Variants in HELZ observed in about 807,000 individuals in gnomAD.
HELZ encodes helicase with zinc finger, also known as ATP-dependent RNA helicase with zinc finger domain.
HELZ carries 23 observed loss-of-function variants against 218.2 expected under a neutral mutation model. The ratio of observed to expected loss-of-function variants is 0.11; its 90% CI spans 0.08 to 0.15. The LOEUF (loss-of-function observed/expected upper bound fraction) is 0.15. Among genes scored for constraint, HELZ ranks in the 10% least tolerant of loss-of-function variants. HELZ has a pLI of 1.00. For missense variants in HELZ, 1,813 were observed against 2,353.7 expected, an observed-to-expected ratio of 0.77 and a Z score of 4.75; for synonymous variants, 814 against 829.4, an observed-to-expected ratio of 0.98 and a Z score of 0.32.
intron 15 of HELZ, among the ~76,000 whole-genome samples, chr17:67,163,321 TATC>T (rs2039042756): frequency 6.6e-6 from 1 of 152,240 alleles, no homozygotes; most frequent in Non-Finnish European, 1.5e-5. Flanking sequence ...ATGAGACAGA[TATC>T]ATGATAAACA....
At chr17:67,205,399 A>G (rs1339849660) in intron 5 of HELZ, among the ~76,000 whole-genome samples, 4 of 152,130 alleles carry the variant, frequency 2.6e-5, no homozygotes, top group South Asian at 4.1e-4. Context: ...CGCTAAGCCT[A>G]TTTCCTCCCC....
intron 13 of HELZ, among the ~76,000 whole-genome samples, chr17:67,174,390 G>A (rs1225047374): frequency 1.3e-5 from 2 of 152,128 alleles, no homozygotes; most frequent in Non-Finnish European, 2.9e-5. Context: ...ACAGCTCACT[G>A]CAGCCTCAAA....
chr17:67,234,194 G>T (rs1416628973), intron 3 of HELZ, among the ~76,000 whole-genome samples: 1 of 150,186 alleles, frequency 6.7e-6, no homozygotes, highest in South Asian at 2.1e-4. Flanking sequence ...GTGGTAGCTT[G>T]TGCCTCTAAT....
chr17:67,103,990 G>C (rs925630788), intron 31 of HELZ, among the ~76,000 whole-genome samples: 1 of 152,140 alleles, frequency 6.6e-6, no homozygotes, highest in African/African-American at 2.4e-5. Context: ...CTATTCAATG[G>C]GGGAAAGGAG....
chr17:67,235,429 A>G (rs1376280227), intron 3 of HELZ, among the ~76,000 whole-genome samples: 1 of 151,632 alleles, frequency 6.6e-6, no homozygotes, highest in Non-Finnish European at 1.5e-5. Context: ...CACTTGAACC[A>G]GGGAGGCGGA....
rs538543987 is a variant in HELZ at position 67,188,686 on chromosome 17, A to G, written c.865-70T>C. 1.2e-5 allele frequency: 15 copies of G among 1,255,646 alleles called. No homozygotes were observed. Among genetic ancestry groups the G allele is most frequent in the South Asian group, 4.3e-5 (3 of 69,176 alleles). The allele number at this position is 1,255,646 out of a possible 1,614,324, so 77.8% of individuals were successfully genotyped here. A position where few individuals can be genotyped will look rare whatever the true frequency, so the allele number is the denominator to read the frequency against. On this transcript the variant is annotated intron_variant, in intron 11 of 32. Transcript: ENST00000358691. The surrounding 1 kb of genome is among the most constrained non-coding windows in gnomAD (Gnocchi z 4.1). ...AATCCAATTGTAATTGGGCTCTTCA[A>G]TGAAAATATTTCCATAAGGGACTTT...
chr17:67,160,094 T>C (rs2038954614), intron 17 of HELZ, among the ~76,000 whole-genome samples, 167 bp downstream of exon 17: 1 of 152,166 alleles, frequency 6.6e-6, no homozygotes, highest in Non-Finnish European at 1.5e-5. Context: ...TAGTCAAAGA[T>C]TTTTACATTT....
At position 67,226,695 on chromosome 17, in the gene HELZ, C is replaced by T. The variant is rs529571875; in HGVS notation, c.-18-7873G>A. Among the ~76,000 whole-genome samples, 3 of 152,198 alleles carry T rather than the reference C, an allele frequency of 2.0e-5. No homozygotes were observed. The South Asian group carries it at 6.2e-4, about 32-fold the overall frequency. ...CTATGTTCACACAAAGATCTGAACA[C>T]AAATGTTCATAACAGTTCTATTCAT... On this transcript the variant is annotated intron_variant, in intron 3 of 32. Transcript: ENST00000358691.
chr17:67,081,567 T>C (rs1170453016), intron 32 of HELZ, among the ~76,000 whole-genome samples: 1 of 152,202 alleles, frequency 6.6e-6, no homozygotes, highest in Non-Finnish European at 1.5e-5. Flanking sequence ...GCTTTATGTA[T>C]GTTAATCTTA....
chr17:67,213,325 T>C (rs1474103456), intron 5 of HELZ, among the ~76,000 whole-genome samples: 1 of 152,046 alleles, frequency 6.6e-6, no homozygotes, highest in African/African-American at 2.4e-5. Context: ...AATCTGACAG[T>C]GTCTATTAAA....
At chr17:67,127,155 C>CAAGAT (rs1385113735) in intron 24 of HELZ, among the ~76,000 whole-genome samples, 2 of 152,166 alleles carry the variant, frequency 1.3e-5, no homozygotes, top group Admixed American at 1.3e-4. Context: ...AACTTCTGAA[C>CAAGAT]AAGATCTCCT....
At chr17:67,126,785 C>G (rs1297441580) in intron 24 of HELZ, among the ~76,000 whole-genome samples, 1 of 152,032 alleles carries the variant, frequency 6.6e-6, no homozygotes, top group South Asian at 2.1e-4. Flanking sequence ...TGCCTAAACC[C>G]GGGAGGCGGA....
chr17:67,146,183 A>G (rs576038485), intron 20 of HELZ, among the ~76,000 whole-genome samples: 27 of 152,296 alleles, frequency 1.8e-4, no homozygotes, highest in African/African-American at 6.5e-4. Context: ...GCTAGCCTGT[A>G]TATTTCCTTG....
chr17:67,118,957 A>G (rs1001574261), intron 27 of HELZ, among the ~76,000 whole-genome samples: 1 of 152,142 alleles, frequency 6.6e-6, no homozygotes, highest in South Asian at 2.1e-4. Flanking sequence ...CCACAATGAG[A>G]TATGATTAGA....
chr17:67,079,973 C>T lies in HELZ; in HGVS notation c.5495-1387G>A, dbSNP rs755842265. The stretch of plus-strand genomic sequence containing the variant: ...TATTTTTACCTGTTTTGTGATTTCC[C>T]TTTTAATGTTATTTATAATGCTTCC... On this transcript the variant is annotated intron_variant, in intron 32 of 32. Coordinates refer to ENST00000358691, the MANE Select transcript of HELZ (RefSeq NM_014877.4). Among the ~76,000 whole-genome samples the T allele has an allele frequency of 2.8e-4, 42 of 152,156 alleles. No individual in the cohort carries two copies. In the Middle Eastern group the frequency reaches 0.01, roughly 37 times the overall value.
chr17:67,176,420 CAT>C (rs1403580039), intron 13 of HELZ: 2 of 152,222 alleles, frequency 1.3e-5, no homozygotes, highest in African/African-American at 2.4e-5. Context: ...CTTTGCAAGA[CAT>C]GTGTCCAGAC....
In HELZ at chr17:67,108,048, T is replaced by A. The variant is rs911121945; in HGVS notation, c.4725-363A>T. Among the ~76,000 whole-genome samples the A allele has an allele frequency of 9.9e-5, 15 of 152,032 alleles. No individual in the cohort carries two copies. Among genetic ancestry groups the A allele is most frequent in the African/African-American group, 3.6e-4 (15 of 41,396 alleles). On this transcript the variant is annotated intron_variant, in intron 30 of 32. Coordinates refer to ENST00000358691, the MANE Select transcript of HELZ (RefSeq NM_014877.4). This position sits in a 1 kb window ranked among gnomAD's most constrained non-coding sequence, Gnocchi z 4.1. Reference sequence around the variant, plus strand: ...ACTGGCCACAAAAACAAGCTTAGAGTTAGGACCAAATACTCATATGTAGCT... The same window carrying A: ...ACTGGCCACAAAAACAAGCTTAGAGATAGGACCAAATACTCATATGTAGCT...
At chr17:67,195,275 C>T (rs1429896051) in intron 8 of HELZ, 144 bp downstream of exon 8, 3 of 516,862 alleles carry the variant, frequency 5.8e-6, no homozygotes, top group Non-Finnish European at 1.0e-5. Context: ...TTCAACTACA[C>T]CTACTTCTTA....
At chr17:67,234,786 G>A (rs957928174) in intron 3 of HELZ, among the ~76,000 whole-genome samples, 2 of 151,978 alleles carry the variant, frequency 1.3e-5, no homozygotes, top group South Asian at 2.1e-4. Context: ...CTAGGACCCA[G>A]GAAACTTGGA....
Sources: gnomAD v4.1 joint callset for allele counts (sites outside exome capture counted in the v4.1 genomes callset) on GRCh38, gnomAD v4.1.1 for gene constraint, Gnocchi (gnomAD v3.1) non-coding constraint, MANE v1.5 for transcripts, NCBI Gene and HGNC (gene_info 2026-07-23, HGNC 2026-07-21) for gene names.